Variants in GUCY1A2 observed in about 807,000 individuals in gnomAD.
GUCY1A2 encodes the protein guanylate cyclase soluble subunit alpha-2.
A neutral mutation model predicts 63.5 loss-of-function variants in GUCY1A2; 27 were observed. The ratio of observed to expected loss-of-function variants is 0.43; its 90% CI spans 0.31 to 0.59. The LOEUF (loss-of-function observed/expected upper bound fraction) is 0.59, where lower values mean the gene tolerates loss of function less well. GUCY1A2 is among the 20% of genes least tolerant of loss of function. The pLI, the probability that GUCY1A2 is intolerant of heterozygous loss-of-function variation, is 0.11. For synonymous variants in GUCY1A2, 364 were observed against 343.5 expected (o/e 1.06, Z -0.66); for missense variants, 768 against 913.3 (o/e 0.84, Z 2.05).
At chr11:106,919,661 T>C (rs1369019509) in intron 4 of GUCY1A2, among the ~76,000 whole-genome samples, 2 of 152,038 alleles carry the variant, frequency 1.3e-5, no homozygotes, top group Non-Finnish European at 2.9e-5. Context: ...AAAAATTAAG[T>C]TAGTGATGCT....
chr11:106,960,218 TTTC>T lies in GUCY1A2; in HGVS notation c.487+18398_487+18400del, dbSNP rs1861041315. ...AGCACTAAGCTGTTATTTCATGTTT[TTTC>T]TTGTTTTGAATTTTTTTTTTAAATC... On this transcript the variant is annotated intron_variant, in intron 3 of 7. Transcript: ENST00000526355. Among the ~76,000 whole-genome samples the T allele has an allele frequency of 4.0e-5, 3 of 75,332 alleles. No individual in the cohort carries two copies. In the South Asian group the frequency reaches 1.4e-3, roughly 34 times the overall value. The allele number at this position is 75,332 out of a possible 152,430, so 49.4% of individuals were successfully genotyped here.
chr11:106,836,245 C>T (rs1256834006), intron 4 of GUCY1A2, among the ~76,000 whole-genome samples: 1 of 151,840 alleles, frequency 6.6e-6, no homozygotes, highest in African/African-American at 2.4e-5. Context: ...TACTGCTGAC[C>T]AGAAGCTGTA....
In GUCY1A2 at chr11:106,684,570, C is replaced by T. The variant is rs1862489868; in HGVS notation, c.*2979G>A. On this transcript the variant is annotated 3_prime_UTR_variant, in exon 8 of 8. Coordinates refer to ENST00000526355, the MANE Select transcript of GUCY1A2 (RefSeq NM_000855.3). ...TGATTTATTTGCAAATGATGACATTCTCTCCATCAAAATAATCCTGATACC... is the reference window on the plus strand; with the variant it reads ...TGATTTATTTGCAAATGATGACATTTTCTCCATCAAAATAATCCTGATACC... The T allele has an allele frequency of 5.0e-6, 1 of 198,792 alleles. No homozygotes were observed. Among genetic ancestry groups the T allele is most frequent in the African/African-American group, 2.3e-5 (1 of 43,424 alleles). 12.3% of individuals were successfully genotyped at this position (198,792 alleles called of 1,614,324 possible).
intron 4 of GUCY1A2, among the ~76,000 whole-genome samples, chr11:106,869,117 T>C (rs890226397): frequency 2.0e-5 from 3 of 152,154 alleles, no homozygotes; most frequent in African/African-American, 7.2e-5. Context: ...TCAAGATGGA[T>C]TCAAGACTTA....
At chr11:106,899,353 C>G (rs1860094649) in intron 4 of GUCY1A2, among the ~76,000 whole-genome samples, 1 of 151,996 alleles carries the variant, frequency 6.6e-6, no homozygotes, top group African/African-American at 2.4e-5. Context: ...ATAATAGAGT[C>G]TAAAGAATAT....
chr11:106,983,008 C>T (rs1438182845), intron 2 of GUCY1A2, among the ~76,000 whole-genome samples: 1 of 152,196 alleles, frequency 6.6e-6, no homozygotes, highest in African/African-American at 2.4e-5. Flanking sequence ...ATCAGAACCT[C>T]TGGGAGCAGG....
At chr11:106,966,393 C>T (rs1035169349) in intron 3 of GUCY1A2, among the ~76,000 whole-genome samples, 2 of 152,134 alleles carry the variant, frequency 1.3e-5, no homozygotes, top group African/African-American at 4.8e-5. Context: ...CAGGAATGAG[C>T]CACCGCGCCC....
At chr11:106,709,157 T>C (rs1011126449) in intron 6 of GUCY1A2, among the ~76,000 whole-genome samples, 1 of 114,394 alleles carries the variant, frequency 8.7e-6, no homozygotes, top group African/African-American at 3.2e-5. Context: ...TATATACATG[T>C]ATATAATATA....
intron 3 of GUCY1A2, among the ~76,000 whole-genome samples, chr11:106,943,602 T>C (rs1860781256): frequency 6.6e-6 from 1 of 152,220 alleles, no homozygotes; most frequent in Non-Finnish European, 1.5e-5. Context: ...CCTTGCCCTA[T>C]TTATGTCTGC....
At chr11:106,799,607 C>A (rs1007598214) in intron 5 of GUCY1A2, among the ~76,000 whole-genome samples, 4 of 152,162 alleles carry the variant, frequency 2.6e-5, no homozygotes, top group African/African-American at 7.2e-5. Flanking sequence ...ACTATCTGAT[C>A]TTTGACAAAC....
At chr11:106,696,740 A>G (rs1195073741) in intron 7 of GUCY1A2, among the ~76,000 whole-genome samples, 5 of 152,298 alleles carry the variant, frequency 3.3e-5, no homozygotes, top group African/African-American at 4.8e-5. Context: ...TAAGAGTTCA[A>G]CCGACTTCTT....
intron 4 of GUCY1A2, among the ~76,000 whole-genome samples, chr11:106,879,587 G>C (rs1463554689): frequency 6.6e-6 from 1 of 151,916 alleles, no homozygotes; most frequent in Non-Finnish European, 1.5e-5. Flanking sequence ...ATCACTTTCT[G>C]GTATTTTTAC....
At chr11:106,863,577 C>T (rs574058830) in intron 4 of GUCY1A2, among the ~76,000 whole-genome samples, 2 of 152,234 alleles carry the variant, frequency 1.3e-5, no homozygotes, top group South Asian at 4.1e-4. Flanking sequence ...TAGCACGCCT[C>T]CAGCTTTGTT....
At position 106,978,602 on chromosome 11, in the gene GUCY1A2, A is replaced by G; in HGVS notation, c.487+17T>C. ...TTCATTCTCTCTCATCCATATAAAT[A>G]TATATAGTTAATATACCGAGTATAT... On this transcript the variant is annotated intron_variant, in intron 3 of 7. Transcript: ENST00000526355. 7.1e-7 allele frequency: 1 copy of G among 1,417,328 alleles called. No homozygotes were observed. The highest frequency in any genetic ancestry group is 9.8e-7 in the Non-Finnish European group (1 of 1,021,138). 87.8% of individuals were successfully genotyped at this position (1,417,328 alleles called of 1,614,324 possible). A position where few individuals can be genotyped will look rare whatever the true frequency, so the allele number is the denominator to read the frequency against.
At chr11:106,811,133 A>G (rs1181915359) in intron 4 of GUCY1A2, among the ~76,000 whole-genome samples, 1 of 152,090 alleles carries the variant, frequency 6.6e-6, no homozygotes, top group Non-Finnish European at 1.5e-5. Flanking sequence ...AATAATAATT[A>G]TAATACTAAA....
intron 4 of GUCY1A2, among the ~76,000 whole-genome samples, chr11:106,828,961 T>C (rs1009634575): frequency 6.6e-6 from 1 of 152,238 alleles, no homozygotes; most frequent in African/African-American, 2.4e-5. Flanking sequence ...ACATTAGAGA[T>C]GTAAAGGGGC....
At chr11:106,751,118 C>T (rs1863875386) in intron 6 of GUCY1A2, among the ~76,000 whole-genome samples, 1 of 152,066 alleles carries the variant, frequency 6.6e-6, no homozygotes, top group African/African-American at 2.4e-5. Flanking sequence ...ACTAGCCCAA[C>T]TGTTGGTGCA....
At chr11:107,017,729 TC>T in intron 1 of GUCY1A2, 23 bp downstream of exon 1, 14 of 1,321,930 alleles carry the variant, frequency 1.1e-5, no homozygotes, top group Middle Eastern at 2.9e-4. Context: ...CCGAAGGCGG[TC>T]CCCCCTTCCG....
chr11:106,948,044 C>T (rs1318768751), intron 3 of GUCY1A2, among the ~76,000 whole-genome samples: 1 of 151,932 alleles, frequency 6.6e-6, no homozygotes, highest in Non-Finnish European at 1.5e-5. Context: ...TTGCTGTGAA[C>T]AAATGTGTAA....
Sources: gnomAD v4.1 joint callset for allele counts (sites outside exome capture counted in the v4.1 genomes callset) on GRCh38, gnomAD v4.1.1 for gene constraint, MANE v1.5 for transcripts, NCBI Gene and HGNC (gene_info 2026-07-23, HGNC 2026-07-21) for gene names.